The following ACACA variants were observed in gnomAD, a reference collection of about 807,000 sequenced individuals.
The protein encoded by ACACA is acetyl-CoA carboxylase 1.
A neutral mutation model predicts 296.1 loss-of-function variants in ACACA; 103 were observed. That is an observed-to-expected ratio of 0.35 (90% confidence interval 0.30 to 0.41). ACACA has a LOEUF of 0.41. Ranked by LOEUF, ACACA falls within the 10% of genes least tolerant of loss-of-function variation. The pLI is 1.00. For missense variants in ACACA, 1,554 were observed against 2,989.7 expected (o/e 0.52, Z 11.20); for synonymous variants, 953 against 1,038.6 (o/e 0.92, Z 1.58).
intron 41 of ACACA, among the ~76,000 whole-genome samples, chr17:37,166,417 G>A (rs2076670946): frequency 6.6e-6 from 1 of 152,124 alleles, no homozygotes; most frequent in African/African-American, 2.4e-5. Flanking sequence ...GGGATTACAG[G>A]TGTGAGCCAC....
intron 9 of ACACA, among the ~76,000 whole-genome samples, chr17:37,271,361 C>A (rs2082061550): frequency 6.6e-6 from 1 of 151,828 alleles, no homozygotes; most frequent in Non-Finnish European, 1.5e-5. Context: ...ACTAAAAATA[C>A]AAAATTAGCT....
At chr17:37,339,677 C>T in intron 2 of ACACA, 127 bp downstream of exon 2, 4 of 657,846 alleles carry the variant, frequency 6.1e-6, no homozygotes, top group Non-Finnish European at 1.1e-5. Flanking sequence ...TCAGGTTATC[C>T]ACCCTAAATC....
At chr17:37,293,296 A>G (rs1368371358) in intron 3 of ACACA, among the ~76,000 whole-genome samples, 2 of 152,188 alleles carry the variant, frequency 1.3e-5, no homozygotes, top group African/African-American at 4.8e-5. Context: ...TTTTCTCACT[A>G]ATCACACAAC....
chr17:37,183,848 CTTTTT>C (rs775286104), intron 39 of ACACA, among the ~76,000 whole-genome samples: 1 of 120,068 alleles, frequency 8.3e-6, no homozygotes, highest in Admixed American at 8.4e-5. Context: ...AGTTTCAGTC[CTTTTT>C]TTTTTTTTTT....
At position 37,276,062 on chromosome 17, in the gene ACACA, C is replaced by G. The variant is rs1567926265; in HGVS notation, c.803-13G>C. On this transcript the variant is annotated splice_polypyrimidine_tract_variant and intron_variant, in intron 7 of 55. Transcript: ENST00000616317. Reference sequence around the variant, plus strand: ...TGGCTTGGAGGACCTAAAAACGAAACAGGAAAAGAATCCTGACTGTAACAC... The same window carrying G: ...TGGCTTGGAGGACCTAAAAACGAAAGAGGAAAAGAATCCTGACTGTAACAC... 6.2e-6 allele frequency: 10 copies of G among 1,603,868 alleles called. No homozygotes were observed. The highest frequency in any genetic ancestry group is 7.7e-6 in the Non-Finnish European group (9 of 1,170,526).
intron 1 of ACACA, among the ~76,000 whole-genome samples, chr17:37,355,116 G>A (rs1040527186): frequency 2.0e-5 from 3 of 151,890 alleles, no homozygotes; most frequent in African/African-American, 7.3e-5. Context: ...GGTGGCATGC[G>A]CCTGTAATCC....
chr17:37,087,579 A>G (rs527825968), intron 55 of ACACA, 140 bp from the exon 56 acceptor site: 23 of 1,053,990 alleles, frequency 2.2e-5, no homozygotes, highest in South Asian at 1.6e-4. Context: ...TTGTTTCCCT[A>G]TATTACAAAT....
At chr17:37,299,138 A>G in intron 3 of ACACA, 1 of 855,172 alleles carries the variant, frequency 1.2e-6, no homozygotes, top group Non-Finnish European at 1.8e-6. Flanking sequence ...GCCCATTTTT[A>G]TTCATTTTCT....
At chr17:37,193,066 G>A (rs2077827743) in intron 36 of ACACA, among the ~76,000 whole-genome samples, 2 of 152,144 alleles carry the variant, frequency 1.3e-5, no homozygotes, top group South Asian at 4.1e-4. Context: ...TTGAGTATCA[G>A]TGAACTATTT....
chr17:37,314,176 C>T (rs773609489), intron 3 of ACACA, among the ~76,000 whole-genome samples: 1 of 149,540 alleles, frequency 6.7e-6, no homozygotes, highest in East Asian at 2.0e-4. Flanking sequence ...AATCTTGGCT[C>T]ACTGCAAGCT....
In ACACA at chr17:37,246,995, T is replaced by C; in HGVS notation, c.2310-19A>G. ...GCGATATCTAGGAGACAAGTGGAAG[T>C]ATGTAAGCTAAGAAAGCACCTCAGG... On this transcript the variant is annotated intron_variant, in intron 18 of 55. Transcript: ENST00000616317. The C allele has an allele frequency of 1.2e-6, 2 of 1,613,820 alleles. No homozygotes were observed. The highest frequency in any genetic ancestry group is 2.2e-5 in the South Asian group (2 of 91,056).
intron 45 of ACACA, among the ~76,000 whole-genome samples, chr17:37,131,593 A>G (rs1443929668): frequency 6.6e-6 from 1 of 152,170 alleles, no homozygotes; most frequent in Non-Finnish European, 1.5e-5. Context: ...AAGGGCCAGC[A>G]AAGTCTGCCT....
intron 35 of ACACA, among the ~76,000 whole-genome samples, chr17:37,199,821 G>C (rs1024133532): frequency 1.8e-4 from 20 of 108,192 alleles, no homozygotes; most frequent in African/African-American, 9.9e-4. Context: ...ATTCATTATA[G>C]GGTTAAAAAA....
intron 10 of ACACA, among the ~76,000 whole-genome samples, chr17:37,268,741 CTATATATATA>C (rs71368449): frequency 2.1e-5 from 2 of 94,526 alleles, no homozygotes; most frequent in Admixed American, 1.3e-4. Flanking sequence ...ATCTATCTAT[CTATATATATA>C]TATATATATA....
chr17:37,147,395 C>G (rs1321260194), intron 45 of ACACA, among the ~76,000 whole-genome samples: 1 of 152,106 alleles, frequency 6.6e-6, no homozygotes, highest in Non-Finnish European at 1.5e-5. Context: ...GACATGCACT[C>G]AGGGTGACTT....
chr17:37,122,250 C>T (rs1291561211), intron 49 of ACACA, among the ~76,000 whole-genome samples: 1 of 152,216 alleles, frequency 6.6e-6, no homozygotes, highest in Non-Finnish European at 1.5e-5. Context: ...TCAGTATTAT[C>T]TCAGCTACCT....
intron 29 of ACACA, 107 bp downstream of exon 29, chr17:37,221,617 C>A: frequency 1.0e-6 from 1 of 978,250 alleles, no homozygotes; most frequent in South Asian, 1.3e-5. Flanking sequence ...CATTTTTTGC[C>A]CTACATTTCT....
At chr17:37,339,174 G>A (rs2048274912) in intron 2 of ACACA, among the ~76,000 whole-genome samples, 1 of 152,206 alleles carries the variant, frequency 6.6e-6, no homozygotes, top group Non-Finnish European at 1.5e-5. Context: ...ACTAACAGAA[G>A]ATAATGGGTG....
At position 37,330,316 on chromosome 17, in the gene ACACA, GTTA is replaced by G; in HGVS notation, c.192_194del (p.Asn65del). ...CCAGGTTGCTGATCTCATCCTCTGA[GTTA>G]TCTTCAGACACAGAACCTATTATGA... On this transcript the variant is annotated inframe_deletion, in exon 3 of 56. Coordinates refer to ENST00000616317, the MANE Select transcript of ACACA (RefSeq NM_198834.3). 1 of 1,614,206 alleles carries G rather than the reference GTTA, an allele frequency of 6.2e-7. No homozygotes were observed.
Sources: gnomAD v4.1 joint callset for allele counts (sites outside exome capture counted in the v4.1 genomes callset) on GRCh38, gnomAD v4.1.1 for gene constraint, MANE v1.5 for transcripts, NCBI Gene and HGNC (gene_info 2026-07-23, HGNC 2026-07-21) for gene names.